Variants in PBX4 observed in about 807,000 individuals in gnomAD.
PBX4 encodes PBX homeobox 4.
PBX4 carries 26 observed loss-of-function variants against 35.1 expected under a neutral mutation model. The observed-to-expected ratio is 0.74, with a 90% CI of 0.54 to 1.03. The LOEUF is 1.03. Ranked by LOEUF, PBX4 falls within the 50% of genes least tolerant of loss-of-function variation. The pLI is 0.00. For synonymous variants in PBX4, 199 were observed against 204.2 expected, an observed-to-expected ratio of 0.97 and a Z score of 0.22; for missense variants, 448 against 504.3, an observed-to-expected ratio of 0.89 and a Z score of 1.07.
At chr19:19,614,404 C>T (rs1317313224) in intron 1 of PBX4, among the ~76,000 whole-genome samples, 2 of 151,100 alleles carry the variant, frequency 1.3e-5, no homozygotes, top group Non-Finnish European at 2.9e-5. Context: ...GAGGCCAAGG[C>T]GGGTAGATCA....
Position 19,618,588 on chromosome 19 carries a change from CG to C in PBX4, c.41del (p.Pro14ArgfsTer31). ...GGACGTCGCTCGTGTCGAGGCGCCGCGGGGCGGGGGGCGATGGCGCGGGGCG... is the reference window on the plus strand; with the variant it reads ...GGACGTCGCTCGTGTCGAGGCGCCGCGGGCGGGGGGCGATGGCGCGGGGCG... ...PPRPAPSPPA[P>X]RRLDTSDVLQ... On this transcript the variant is annotated frameshift_variant, in exon 1 of 8. Transcript: ENST00000251203. LOFTEE classifies it high-confidence loss of function. 1 of 1,310,872 alleles carries C rather than the reference CG, an allele frequency of 7.6e-7. No individual in the cohort carries two copies. The highest frequency in any genetic ancestry group is 9.7e-7 in the Non-Finnish European group (1 of 1,025,784). 81.2% of individuals were successfully genotyped at this position (1,310,872 alleles called of 1,614,324 possible).
intron 1 of PBX4, among the ~76,000 whole-genome samples, chr19:19,603,263 G>A (rs1018473175): frequency 4.6e-5 from 7 of 152,062 alleles, no homozygotes; most frequent in Non-Finnish European, 1.0e-4. Flanking sequence ...AACAAATCCC[G>A]GGTACAAAGC....
intron 2 of PBX4, among the ~76,000 whole-genome samples, chr19:19,582,926 G>A (rs937585860): frequency 6.6e-6 from 1 of 152,210 alleles, no homozygotes; most frequent in African/African-American, 2.4e-5. Flanking sequence ...AGCCACATCC[G>A]TCACACACCC....
intron 2 of PBX4, among the ~76,000 whole-genome samples, chr19:19,576,558 A>G (rs1487067264): frequency 1.3e-5 from 2 of 151,906 alleles, no homozygotes; most frequent in African/African-American, 4.8e-5. Context: ...TCATTTACTT[A>G]TCCAACAACA....
intron 2 of PBX4, among the ~76,000 whole-genome samples, chr19:19,582,871 C>T (rs2061464472): frequency 6.6e-6 from 1 of 152,242 alleles, no homozygotes; most frequent in Non-Finnish European, 1.5e-5. Flanking sequence ...TGTCTGACTG[C>T]ATGCTCCCCC....
rs2061319497 is a variant in PBX4, at chr19:19,563,254, C to A, written c.1032+255G>T. On this transcript the variant is annotated intron_variant, in intron 7 of 7. Transcript: ENST00000251203. This position sits in a 1 kb window ranked among gnomAD's most constrained non-coding sequence, Gnocchi z 5.1. ...GTGCCCTTCCCCTCCACAGCCAAAG[C>A]CCTCATCTTGGGGTTCATCCCCACT... Among the ~76,000 whole-genome samples, 1 of 152,152 alleles carries A rather than the reference C, an allele frequency of 6.6e-6. No homozygotes were observed. The highest frequency in any genetic ancestry group is 2.1e-4 in the South Asian group (1 of 4,834).
At chr19:19,573,229 C>T (rs1291131133) in intron 2 of PBX4, among the ~76,000 whole-genome samples, 2 of 151,316 alleles carry the variant, frequency 1.3e-5, no homozygotes, top group Admixed American at 6.6e-5. Context: ...CGCTTGAATC[C>T]GGGAGGTGGA....
intron 5 of PBX4, among the ~76,000 whole-genome samples, chr19:19,568,885 A>G (rs1340861864): frequency 2.6e-5 from 4 of 152,144 alleles, no homozygotes; most frequent in Admixed American, 2.6e-4. Flanking sequence ...CACCTCTGGG[A>G]CCTCGCATTC....
chr19:19,618,665 G>T lies in PBX4; in HGVS notation c.-36C>A, dbSNP rs1457607774. On this transcript the variant is annotated 5_prime_UTR_variant, in exon 1 of 8. Coordinates refer to ENST00000251203, the MANE Select transcript of PBX4 (RefSeq NM_025245.3). ...GCCGGGCGGGCGCTGTGAGGGTGCC[G>T]TCGAGCCTGGAGCACTACCACTGGC... is the stretch of plus-strand genomic sequence containing the variant. 5.0e-6 allele frequency: 6 copies of T among 1,193,318 alleles called. 1 individual carries two copies. The highest frequency in any genetic ancestry group is 5.2e-6 in the Non-Finnish European group (5 of 963,448). 73.9% of individuals were successfully genotyped at this position (1,193,318 alleles called of 1,614,324 possible). A position where few individuals can be genotyped will look rare whatever the true frequency, so the allele number is the denominator to read the frequency against.
At chr19:19,583,527 C>T (rs532056782) in intron 2 of PBX4, among the ~76,000 whole-genome samples, 6 of 150,976 alleles carry the variant, frequency 4.0e-5, no homozygotes. Context: ...ACAGGAAGAT[C>T]GCTTGAGCCC....
intron 2 of PBX4, chr19:19,579,856 A>G (rs2061442862): frequency 3.9e-5 from 6 of 152,378 alleles, no homozygotes; most frequent in Admixed American, 3.3e-4. Flanking sequence ...GCTGTCTCAA[A>G]TCAGCAAGAA....
Position 19,565,018 on chromosome 19 carries a change from G to T in PBX4, c.840C>A (p.Thr280=), listed in dbSNP as rs750965127. Residue 280 remains threonine, a synonymous_variant, in exon 6 of 8, where the codon ACC becomes ACA. Transcript: ENST00000251203. ...CCACAGCCGTTTTACCCGTGTAAAT[G>T]GTAGCCTCTTCTTGAAACTTCCCCA... ...KNMGKFQEEA[T]IYTGKTAVDT... is the part of the protein sequence containing the mutation. 2.6e-5 allele frequency: 42 copies of T among 1,614,248 alleles called. No homozygotes were observed. The highest frequency in any genetic ancestry group is 3.4e-5 in the Non-Finnish European group (40 of 1,180,044).
intron 2 of PBX4, among the ~76,000 whole-genome samples, chr19:19,579,027 A>G (rs923945896): frequency 4.6e-5 from 7 of 152,292 alleles, no homozygotes; most frequent in African/African-American, 1.7e-4. Flanking sequence ...AGGCCCCAGA[A>G]CTGTGAGAAA....
intron 2 of PBX4, among the ~76,000 whole-genome samples, chr19:19,594,137 G>A (rs1223927735): frequency 6.6e-6 from 1 of 151,568 alleles, no homozygotes; most frequent in African/African-American, 2.4e-5. Context: ...CGGGCATGGT[G>A]GCACATGGCT....
At chr19:19,568,775 T>C (rs139533078) in intron 5 of PBX4, among the ~76,000 whole-genome samples, 1,271 of 122,652 alleles carry the variant, frequency 0.01, 49 homozygotes, top group Admixed American at 0.07. Context: ...AGGGAGCTCA[T>C]ACTCTGTCTG....
chr19:19,607,797 A>G (rs1466369935), intron 1 of PBX4, among the ~76,000 whole-genome samples: 1 of 152,210 alleles, frequency 6.6e-6, no homozygotes, highest in Non-Finnish European at 1.5e-5. Context: ...TCAAGGTATC[A>G]TTTTAAATTA....
intron 2 of PBX4, chr19:19,588,240 T>C (rs553156117): frequency 8.8e-6 from 12 of 1,367,186 alleles, no homozygotes; most frequent in Admixed American, 5.1e-5. Context: ...CCTCCACAGA[T>C]CACACAGAGC....
At chr19:19,605,825 T>C (rs1453496621) in intron 1 of PBX4, among the ~76,000 whole-genome samples, 1 of 150,080 alleles carries the variant, frequency 6.7e-6, no homozygotes, top group East Asian at 2.0e-4. Context: ...CTTCTGCTTC[T>C]GTAAAGGCTC....
Position 19,563,583 on chromosome 19 carries a change from C to T in PBX4, c.958G>A (p.Gly320Arg). Reference protein sequence around the residue: ...SSGPFPLPSAGDAFLTLRTLA... With the variant: ...SSGPFPLPSARDAFLTLRTLA... ...GTCCGCAGGGTGAGGAAGGCGTCCC[C>T]AGCGCTGGGCAGCGGGAAGGGTCCA... The change falls in exon 7 of 8, where the codon GGG becomes AGG. Residue 320 changes from glycine (G) to arginine (R), a missense_variant. Coordinates refer to ENST00000251203, the MANE Select transcript of PBX4 (RefSeq NM_025245.3). This position sits in a 1 kb window ranked among gnomAD's most constrained non-coding sequence, Gnocchi z 5.1. 2 of 1,550,116 alleles carry T rather than the reference C, an allele frequency of 1.3e-6. No individual in the cohort carries two copies. Among genetic ancestry groups the T allele is most frequent in the South Asian group, 1.2e-5 (1 of 84,026 alleles).
Sources: allele counts gnomAD v4.1 joint callset (sites outside exome capture counted in the v4.1 genomes callset), GRCh38; gene constraint gnomAD v4.1.1; non-coding constraint Gnocchi (gnomAD v3.1); transcripts MANE v1.5; gene names NCBI Gene and HGNC (gene_info 2026-07-23, HGNC 2026-07-21).